PPP3CA: variants seen among roughly 807,000 people sequenced by gnomAD.
PPP3CA encodes protein phosphatase 3 catalytic subunit alpha, also known as CAM-PRP catalytic subunit.
In PPP3CA, 14 loss-of-function variants were observed where a neutral mutation model predicts 66.5. The ratio of observed to expected loss-of-function variants is 0.21; its 90% CI spans 0.14 to 0.33. The LOEUF (loss-of-function observed/expected upper bound fraction) is 0.33, where lower values mean the gene tolerates loss of function less well. PPP3CA is among the 10% of genes least tolerant of loss of function. PPP3CA has a pLI of 1.00. For synonymous variants in PPP3CA, 232 were observed against 226.2 expected (o/e 1.03, Z -0.23); for missense variants, 317 against 639.5 (o/e 0.50, Z 5.44).
intron 5 of PPP3CA, among the ~76,000 whole-genome samples, chr4:101,095,053 A>C (rs1185804091): frequency 6.6e-6 from 1 of 152,116 alleles, no homozygotes; most frequent in African/African-American, 2.4e-5. Context: ...GTATCTATAG[A>C]GAATGAGGCA....
chr4:101,343,486 G>A lies in PPP3CA; in HGVS notation c.58+3253C>T, dbSNP rs149439746. On this transcript the variant is annotated intron_variant, in intron 1 of 13. Coordinates refer to ENST00000394854, the MANE Select transcript of PPP3CA (RefSeq NM_000944.5). ...AGTTATTCTTCTATTTATTGCCCTCGGTTTGCTGTATGTATCTTTAAAAAT... is the reference window on the plus strand; with the variant it reads ...AGTTATTCTTCTATTTATTGCCCTCAGTTTGCTGTATGTATCTTTAAAAAT... Among the ~76,000 whole-genome samples, 100 of 152,156 alleles carry A rather than the reference G, an allele frequency of 6.6e-4. 3 individuals are homozygous for A. In the East Asian group the frequency reaches 0.019, roughly 28 times the overall value.
chr4:101,242,698 A>C (rs1726351743), intron 1 of PPP3CA, among the ~76,000 whole-genome samples: 1 of 152,130 alleles, frequency 6.6e-6, no homozygotes, highest in African/African-American at 2.4e-5. Context: ...CTAAGAAGGC[A>C]GGAGAATAGC....
At chr4:101,287,780 T>C (rs371252800) in intron 1 of PPP3CA, among the ~76,000 whole-genome samples, 2 of 146,698 alleles carry the variant, frequency 1.4e-5, no homozygotes, top group African/African-American at 4.9e-5. Flanking sequence ...TTTTTTTTTT[T>C]AATTGATGTG....
At chr4:101,179,226 G>A (rs1351722537) in intron 2 of PPP3CA, among the ~76,000 whole-genome samples, 1 of 152,050 alleles carries the variant, frequency 6.6e-6, no homozygotes, top group Non-Finnish European at 1.5e-5. Context: ...GGTTCCTAGA[G>A]TGGTTCCTAG....
At chr4:101,285,607 G>A (rs924011486) in intron 1 of PPP3CA, among the ~76,000 whole-genome samples, 4 of 119,090 alleles carry the variant, frequency 3.4e-5, no homozygotes, top group Admixed American at 1.6e-4. Flanking sequence ...GTATGTGTGT[G>A]TGTGTGTGTG....
chr4:101,105,147 C>T (rs974550389), intron 3 of PPP3CA, among the ~76,000 whole-genome samples: 8 of 151,044 alleles, frequency 5.3e-5, no homozygotes, highest in African/African-American at 1.9e-4. Context: ...TGCTTCTTGA[C>T]GTCTTTTTTT....
intron 10 of PPP3CA, among the ~76,000 whole-genome samples, chr4:101,049,581 GAT>G (rs998676584): frequency 4.6e-5 from 7 of 151,940 alleles, no homozygotes; most frequent in African/African-American, 1.7e-4. Flanking sequence ...CATGGATGAG[GAT>G]ATAACTGTTT....
intron 2 of PPP3CA, among the ~76,000 whole-genome samples, chr4:101,177,025 C>T (rs1270508900): frequency 6.6e-6 from 1 of 152,024 alleles, no homozygotes; most frequent in African/African-American, 2.4e-5. Context: ...TTTTGTGAAA[C>T]AGGCCTGCTA....
Position 101,310,747 on chromosome 4 carries a change from T to G in PPP3CA, c.58+35992A>C, listed in dbSNP as rs144766537. Among the ~76,000 whole-genome samples, 452 of 152,292 alleles carry G rather than the reference T, an allele frequency of 3.0e-3. 4 individuals carry two copies. The highest frequency in any genetic ancestry group is 0.01 in the African/African-American group (429 of 41,562). ...AGTGAAACTACTGAAATCCAAAAAA[T>G]TTCTTGAGAATAAAATACACAACAA... On this transcript the variant is annotated intron_variant, in intron 1 of 13. Coordinates refer to ENST00000394854, the MANE Select transcript of PPP3CA (RefSeq NM_000944.5).
chr4:101,149,818 G>T (rs1485993808), intron 2 of PPP3CA, among the ~76,000 whole-genome samples: 1 of 152,088 alleles, frequency 6.6e-6, no homozygotes, highest in Non-Finnish European at 1.5e-5. Flanking sequence ...CCTAACAATG[G>T]CTAGGTTATT....
intron 1 of PPP3CA, among the ~76,000 whole-genome samples, chr4:101,284,419 T>TA (rs1727773965): frequency 2.0e-5 from 3 of 152,204 alleles, no homozygotes; most frequent in Admixed American, 1.3e-4. Context: ...TCTGGTTTTT[T>TA]ACACATGAAG....
chr4:101,258,484 T>C (rs1266926125), intron 1 of PPP3CA, among the ~76,000 whole-genome samples: 1 of 152,140 alleles, frequency 6.6e-6, no homozygotes, highest in Admixed American at 6.6e-5. Context: ...ACACTAACTT[T>C]CCAACTGGAA....
At chr4:101,029,874 G>T (rs1324393256) in intron 12 of PPP3CA, among the ~76,000 whole-genome samples, 1 of 151,102 alleles carries the variant, frequency 6.6e-6, no homozygotes, top group African/African-American at 2.4e-5. Context: ...ATATAATCTG[G>T]ACTTCGTTTT....
At chr4:101,268,162 A>T (rs1727226906) in intron 1 of PPP3CA, among the ~76,000 whole-genome samples, 1 of 152,074 alleles carries the variant, frequency 6.6e-6, no homozygotes, top group Non-Finnish European at 1.5e-5. Flanking sequence ...ACATAGAGAG[A>T]TCCACTCTCT....
intron 11 of PPP3CA, among the ~76,000 whole-genome samples, chr4:101,039,373 C>T (rs113428341): frequency 0.013 from 1,912 of 145,276 alleles, 239 homozygotes; most frequent in African/African-American, 0.045. Context: ...ATAATCAATG[C>T]TTTAAGTTTC....
chr4:101,342,462 G>A (rs1198823996), intron 1 of PPP3CA, among the ~76,000 whole-genome samples: 2 of 152,040 alleles, frequency 1.3e-5, no homozygotes, highest in Non-Finnish European at 2.9e-5. Flanking sequence ...AACCTAACTC[G>A]TAACGAACAG....
intron 3 of PPP3CA, among the ~76,000 whole-genome samples, chr4:101,106,770 A>T (rs376646440): frequency 1.3e-5 from 2 of 152,130 alleles, no homozygotes; most frequent in South Asian, 2.1e-4. Flanking sequence ...ATGTGGAGAA[A>T]TGATGGTTGA....
chr4:101,131,013 G>A (rs1722411510), intron 2 of PPP3CA, among the ~76,000 whole-genome samples: 1 of 152,108 alleles, frequency 6.6e-6, no homozygotes, highest in African/African-American at 2.4e-5. Flanking sequence ...GATCACCTGA[G>A]ATTAGGGAGT....
At chr4:101,230,726 G>A (rs1725934569) in intron 1 of PPP3CA, among the ~76,000 whole-genome samples, 1 of 151,604 alleles carries the variant, frequency 6.6e-6, no homozygotes, top group South Asian at 2.1e-4. Flanking sequence ...CATAGGTAAA[G>A]TCTAAATTAC....
Sources: allele counts gnomAD v4.1 joint callset (sites outside exome capture counted in the v4.1 genomes callset), GRCh38; gene constraint gnomAD v4.1.1; transcripts MANE v1.5; gene names NCBI Gene and HGNC (gene_info 2026-07-23, HGNC 2026-07-21).